AP3B1: variants seen among roughly 807,000 people sequenced by gnomAD.
AP3B1 encodes the protein AP-3 complex subunit beta-1.
A neutral mutation model predicts 132.5 loss-of-function variants in AP3B1; 61 were observed. The ratio of observed to expected loss-of-function variants is 0.46; its 90% CI spans 0.37 to 0.57. The LOEUF (loss-of-function observed/expected upper bound fraction) is 0.57. AP3B1 is among the 20% of genes least tolerant of loss of function. AP3B1 has a pLI of 0.00. For synonymous variants in AP3B1, 388 were observed against 438.3 expected (o/e 0.89, Z 1.43); for missense variants, 1,120 against 1,289.4 (o/e 0.87, Z 2.01).
At chr5:78,037,300 A>AT (rs941147779) in intron 23 of AP3B1, among the ~76,000 whole-genome samples, 2 of 151,968 alleles carry the variant, frequency 1.3e-5, no homozygotes, top group African/African-American at 2.4e-5. Flanking sequence ...TCCTAAACTA[A>AT]TTTTTTTTAA....
In AP3B1 at chr5:78,066,937, G is replaced by T. The variant is rs1485342327; in HGVS notation, c.2577+22456C>A. Among the ~76,000 whole-genome samples, 4 of 152,086 alleles carry T rather than the reference G, an allele frequency of 2.6e-5. No homozygotes were observed. The East Asian group carries it at 7.7e-4, about 29-fold the overall frequency. On this transcript the variant is annotated intron_variant, in intron 22 of 26. Coordinates refer to ENST00000255194, the MANE Select transcript of AP3B1 (RefSeq NM_003664.5). ...AGAGAAAGGCCAGATCACCTACAAA[G>T]GGAAGCCCATCAGACTGACAGCAGA...
chr5:78,255,268 A>G (rs1028012190), intron 2 of AP3B1, among the ~76,000 whole-genome samples: 1 of 152,138 alleles, frequency 6.6e-6, no homozygotes, highest in Non-Finnish European at 1.5e-5. Flanking sequence ...TTTAACATAA[A>G]TGGACTAAAC....
chr5:78,255,343 A>T (rs925089704), intron 2 of AP3B1, among the ~76,000 whole-genome samples: 2 of 152,118 alleles, frequency 1.3e-5, no homozygotes, highest in African/African-American at 4.8e-5. Flanking sequence ...TCTGTTGCCC[A>T]CAAAAAAACA....
chr5:78,240,951 A>G lies in AP3B1; in HGVS notation c.205-15T>C. ...TTTGCAATCATCTGAAGAATAAACA[A>G]AACAGACAATATGGGAAATTCTATA... On this transcript the variant is annotated splice_polypyrimidine_tract_variant and intron_variant, in intron 2 of 26. Coordinates refer to ENST00000255194, the MANE Select transcript of AP3B1 (RefSeq NM_003664.5). The G allele has an allele frequency of 6.4e-7, 1 of 1,570,918 alleles. No individual in the cohort carries two copies. Among genetic ancestry groups the G allele is most frequent in the Non-Finnish European group, 8.8e-7 (1 of 1,141,204 alleles).
intron 7 of AP3B1, among the ~76,000 whole-genome samples, chr5:78,203,677 C>A (rs1745389741): frequency 6.6e-6 from 1 of 152,034 alleles, no homozygotes; most frequent in South Asian, 2.1e-4. Context: ...ATTCTATTTG[C>A]CCCTTTCTCT....
chr5:78,162,711 T>C (rs1461629919), intron 13 of AP3B1, 108 bp downstream of exon 13: 5 of 1,203,904 alleles, frequency 4.2e-6, no homozygotes, highest in Non-Finnish European at 6.0e-6. Flanking sequence ...ACTACTGATA[T>C]AACTGGAAAA....
At position 78,126,678 on chromosome 5, in the gene AP3B1, G is replaced by A. The variant is rs567842838; in HGVS notation, c.1968+1352C>T. Reference sequence around the variant, plus strand: ...TTACTACTGTTACAAATTTTTGGCTGTCTCTAAGTACAGATCATTTGTCAA... The same window carrying A: ...TTACTACTGTTACAAATTTTTGGCTATCTCTAAGTACAGATCATTTGTCAA... On this transcript the variant is annotated intron_variant, in intron 17 of 26. Coordinates refer to ENST00000255194, the MANE Select transcript of AP3B1 (RefSeq NM_003664.5). Among the ~76,000 whole-genome samples the A allele has an allele frequency of 4.6e-5, 7 of 152,176 alleles. No individual in the cohort carries two copies. In the South Asian group the frequency reaches 1.0e-3, roughly 23 times the overall value.
chr5:78,087,402 T>C (rs1750308547), intron 22 of AP3B1: 1 of 409,674 alleles, frequency 2.4e-6, no homozygotes, highest in Non-Finnish European at 3.3e-6. Flanking sequence ...GGATGTGCTA[T>C]TAGGAGCCAT....
intron 8 of AP3B1, among the ~76,000 whole-genome samples, chr5:78,179,016 G>T (rs1744261543): frequency 6.6e-6 from 1 of 152,046 alleles, no homozygotes; most frequent in African/African-American, 2.4e-5. Flanking sequence ...GATATTAGTT[G>T]AGAATTTAAA....
In AP3B1 at chr5:78,043,432, T is replaced by C; in HGVS notation, c.2578-4158A>G. On this transcript the variant is annotated intron_variant, in intron 22 of 26. Transcript: ENST00000255194. Reference sequence around the variant, plus strand: ...GGCATGAGCCATTGTGCCTGGCCTATCTTCCTCTTCTTTCTCACCTTTCTC... The same window carrying C: ...GGCATGAGCCATTGTGCCTGGCCTACCTTCCTCTTCTTTCTCACCTTTCTC... 3 of 218,948 alleles carry C rather than the reference T, an allele frequency of 1.4e-5. No homozygotes were observed. The South Asian group carries it at 2.2e-4, about 16-fold the overall frequency. The allele number at this position is 218,948 out of a possible 1,614,324, so 13.6% of individuals were successfully genotyped here. A position where few individuals can be genotyped will look rare whatever the true frequency, so the allele number is the denominator to read the frequency against.
chr5:78,214,960 T>A (rs1580496965), intron 7 of AP3B1, among the ~76,000 whole-genome samples: 1 of 152,124 alleles, frequency 6.6e-6, no homozygotes, highest in Admixed American at 6.5e-5. Context: ...AGTATTACTG[T>A]CTTGTGGATA....
At chr5:78,133,937 T>C (rs1376734546) in intron 15 of AP3B1, among the ~76,000 whole-genome samples, 1 of 151,966 alleles carries the variant, frequency 6.6e-6, no homozygotes, top group Admixed American at 6.6e-5. Context: ...GAAGAACTGT[T>C]ACATAAAAAT....
chr5:78,222,123 T>C (rs1374292688), intron 6 of AP3B1: 7 of 151,780 alleles, frequency 4.6e-5, no homozygotes, highest in African/African-American at 1.7e-4. Context: ...TGATTCATTC[T>C]CTAAAAAAAA....
At chr5:78,118,133 A>G (rs1272194508) in intron 17 of AP3B1, among the ~76,000 whole-genome samples, 1 of 152,220 alleles carries the variant, frequency 6.6e-6, no homozygotes, top group African/African-American at 2.4e-5. Flanking sequence ...TTCACCTCCT[A>G]AAATTCTGAT....
At chr5:78,052,654 A>G (rs2112127204) in intron 22 of AP3B1, among the ~76,000 whole-genome samples, 1 of 152,286 alleles carries the variant, frequency 6.6e-6, no homozygotes, top group South Asian at 2.1e-4. Context: ...ATGTTTGCCG[A>G]TCCCTGGTAT....
At chr5:78,235,805 T>A (rs1489726123) in intron 3 of AP3B1, among the ~76,000 whole-genome samples, 1 of 152,248 alleles carries the variant, frequency 6.6e-6, no homozygotes, top group Admixed American at 6.5e-5. Context: ...TCATGAGTTA[T>A]TGACTAAACC....
At chr5:78,020,664 T>C (rs780150041) in intron 25 of AP3B1, 28 bp downstream of exon 25, 8 of 1,528,776 alleles carry the variant, frequency 5.2e-6, no homozygotes, top group Admixed American at 1.7e-5. Context: ...GGTATGTAAA[T>C]TTCTAGTAAG....
intron 21 of AP3B1, 144 bp downstream of exon 21, chr5:78,100,809 T>A: frequency 1.8e-6 from 1 of 554,458 alleles, no homozygotes; most frequent in Non-Finnish European, 3.2e-6. Context: ...TACCACTGAT[T>A]TCCAAAACTT....
chr5:78,058,794 T>A (rs1224132877), intron 22 of AP3B1, among the ~76,000 whole-genome samples: 1 of 152,108 alleles, frequency 6.6e-6, no homozygotes, highest in Admixed American at 6.5e-5. Flanking sequence ...ACAATCAACA[T>A]CATGACCAGA....
Sources: allele counts gnomAD v4.1 joint callset (sites outside exome capture counted in the v4.1 genomes callset), GRCh38; gene constraint gnomAD v4.1.1; transcripts MANE v1.5; gene names NCBI Gene and HGNC (gene_info 2026-07-23, HGNC 2026-07-21).